The following DNAH6 variants were observed in gnomAD, a reference collection of about 807,000 sequenced individuals.
DNAH6 encodes dynein axonemal heavy chain 6, also known as axonemal beta dynein heavy chain 6.
In DNAH6, 340 loss-of-function variants were observed where a neutral mutation model predicts 491.4. That is an observed-to-expected ratio of 0.69 (90% confidence interval 0.63 to 0.76). The LOEUF is 0.76. Among genes scored for constraint, DNAH6 ranks in the 30% least tolerant of loss-of-function variants. The pLI, the probability that DNAH6 is intolerant of heterozygous loss-of-function variation, is 0.00. For synonymous variants in DNAH6, 1,603 were observed against 1,686.1 expected, an observed-to-expected ratio of 0.95 and a Z score of 1.21; for missense variants, 4,443 against 4,972.2, an observed-to-expected ratio of 0.89 and a Z score of 3.20.
chr2:84,516,759 A>G (rs899719602), intron 1 of DNAH6, among the ~76,000 whole-genome samples, 176 bp downstream of exon 1: 2 of 152,220 alleles, frequency 1.3e-5, no homozygotes, highest in African/African-American at 2.4e-5. Flanking sequence ...AGCAATAGCG[A>G]TATCAAAAGA....
At chr2:84,691,185 G>GA (rs1445807859) in intron 45 of DNAH6, among the ~76,000 whole-genome samples, 1 of 152,092 alleles carries the variant, frequency 6.6e-6, no homozygotes, top group Non-Finnish European at 1.5e-5. Context: ...TAAATTGCCA[G>GA]AAAAAAATAA....
intron 18 of DNAH6, among the ~76,000 whole-genome samples, chr2:84,597,256 T>C (rs1483802598): frequency 1.3e-5 from 2 of 152,180 alleles, no homozygotes; most frequent in African/African-American, 4.8e-5. Context: ...GTACCTAAAA[T>C]ATGTAACATA....
chr2:84,515,594 CAA>C (rs1260914976), upstream of DNAH6, among the ~76,000 whole-genome samples: 1 of 152,106 alleles, frequency 6.6e-6, no homozygotes, highest in Non-Finnish European at 1.5e-5. Context: ...ATCAAGGTAA[CAA>C]AGAGCAACCG....
In DNAH6 at chr2:84,681,524, G is replaced by A. The variant is rs1693772090; in HGVS notation, c.6912G>A (p.Val2304=). The A allele has an allele frequency of 6.5e-7, 1 of 1,543,402 alleles. No individual in the cohort carries two copies. Among genetic ancestry groups the A allele is most frequent in the Non-Finnish European group, 8.7e-7 (1 of 1,143,480 alleles). ...VFNLRDLSKC[V]QGILQCDPGT... is the part of the protein sequence containing the mutation. ...ACTTGAGGGACTTATCCAAATGTGT[G>A]CAAGGTAGTGTACTGAACCCTCGTT... is the stretch of plus-strand genomic sequence containing the variant. Residue 2304 remains valine (V), a synonymous_variant, in exon 42 of 77, where the codon GTG becomes GTA. Transcript: ENST00000389394.
chr2:84,619,710 C>T lies in DNAH6; in HGVS notation c.3598C>T (p.Leu1200Phe), dbSNP rs2104391718. 1 of 1,551,456 alleles carries T rather than the reference C, an allele frequency of 6.4e-7. No individual in the cohort carries two copies. Among genetic ancestry groups the T allele is most frequent in the Non-Finnish European group, 8.7e-7 (1 of 1,146,742 alleles). Reference protein sequence around the residue: ...PRFYFLSNDELLEILAQTRNP... With the variant: ...PRFYFLSNDEFLEILAQTRNP... ...GTTTTACTTCTTGTCAAATGATGAACTTCTGGAGATTTTGGCCCAGACACG... is the reference window on the plus strand; with the variant it reads ...GTTTTACTTCTTGTCAAATGATGAATTTCTGGAGATTTTGGCCCAGACACG... The change falls in exon 24 of 77, where the codon CTT becomes TTT. Residue 1200 changes from leucine to phenylalanine, a missense_variant. Physicochemically the swap from Leu to Phe is conservative, Grantham distance 22 (BLOSUM62 0). Transcript: ENST00000389394.
At chr2:84,469,474 C>T in the DNAH6 span, among the ~76,000 whole-genome samples, 12 of 152,154 alleles carry the variant, frequency 7.9e-5, no homozygotes, top group South Asian at 4.1e-4. This position sits in a 1 kb window ranked among gnomAD's most constrained non-coding sequence, Gnocchi z 4.0. Flanking sequence ...CAACCTCTGA[C>T]GTGGAGTTTC....
chr2:84,615,253 G>A (rs1414232137), intron 22 of DNAH6, among the ~76,000 whole-genome samples: 1 of 152,022 alleles, frequency 6.6e-6, no homozygotes, highest in Non-Finnish European at 1.5e-5. Context: ...TCTACATGTG[G>A]CTTGCCAGTT....
At chr2:84,759,011 A>T (rs962073765) in intron 63 of DNAH6, among the ~76,000 whole-genome samples, 2 of 152,182 alleles carry the variant, frequency 1.3e-5, no homozygotes, top group African/African-American at 4.8e-5. Context: ...ATTCCTGTTT[A>T]TTGATGATAT....
At chr2:84,631,966 C>A (rs761955450) in intron 29 of DNAH6, among the ~76,000 whole-genome samples, 4 of 152,208 alleles carry the variant, frequency 2.6e-5, no homozygotes, top group Non-Finnish European at 5.9e-5. Context: ...CCAAGAGAAA[C>A]CTTGGTTCCC....
At chr2:84,541,624 G>T (rs1474899577) in intron 4 of DNAH6, among the ~76,000 whole-genome samples, 1 of 152,058 alleles carries the variant, frequency 6.6e-6, no homozygotes, top group Non-Finnish European at 1.5e-5. Context: ...TGGAGGAAAA[G>T]AAACCAAAAA....
chr2:84,701,330 G>C lies in DNAH6; in HGVS notation c.8052G>C (p.Gln2684His). Residue 2684 changes from glutamine (Q) to histidine (H), a missense_variant, in exon 49 of 77, where the codon CAG becomes CAC. By Grantham distance (24) the Gln-to-His change is conservative. Coordinates refer to ENST00000389394, the MANE Select transcript of DNAH6 (RefSeq NM_001370.2). ...YLSMLSEKRKQIISARDRVKN... is the reference protein window; with the variant it reads ...YLSMLSEKRKHIISARDRVKN... ...CTATGCTGTCTGAAAAAAGGAAGCA[G>C]ATTATTTCAGTAGGTTCAATATTAT... is the stretch of plus-strand genomic sequence containing the variant. 9.0e-6 allele frequency: 14 copies of C among 1,548,714 alleles called. No homozygotes were observed. The highest frequency in any genetic ancestry group is 1.2e-5 in the Non-Finnish European group (14 of 1,144,988).
At position 84,697,746 on chromosome 2, in the gene DNAH6, G is replaced by C; in HGVS notation, c.7677+19G>C. On this transcript the variant is annotated intron_variant, in intron 47 of 76. Transcript: ENST00000389394. ...AGACGAGGTAGGATGTGCCAGAGTAGTTATGTGGCTTTATCACAAAAACGT... is the reference window on the plus strand; with the variant it reads ...AGACGAGGTAGGATGTGCCAGAGTACTTATGTGGCTTTATCACAAAAACGT... 1 of 1,551,428 alleles carries C rather than the reference G, an allele frequency of 6.4e-7. No homozygotes were observed. Among genetic ancestry groups the C allele is most frequent in the Non-Finnish European group, 8.7e-7 (1 of 1,146,776 alleles).
At chr2:84,507,424 G>A in the DNAH6 span, among the ~76,000 whole-genome samples, 2 of 152,238 alleles carry the variant, frequency 1.3e-5, no homozygotes, top group Non-Finnish European at 2.9e-5. Context: ...TTTGTAACCT[G>A]AGACTTTGCT....
In DNAH6 at chr2:84,797,606, T is replaced by G. The variant is rs760060366; in HGVS notation, c.11429T>G (p.Ile3810Ser). The part of the protein sequence containing the change: ...FKDYIENLPL[I>S]DDPEIFGMHE... Reference sequence around the variant, plus strand: ...GACTACATTGAAAATCTGCCTTTGATCGATGACCCAGAAATTTTTGGAATG... The same window carrying G: ...GACTACATTGAAAATCTGCCTTTGAGCGATGACCCAGAAATTTTTGGAATG... Residue 3810 changes from isoleucine to serine, a missense_variant, in exon 70 of 77, where the codon ATC becomes AGC. Coordinates refer to ENST00000389394, the MANE Select transcript of DNAH6 (RefSeq NM_001370.2). The G allele has an allele frequency of 5.9e-5, 92 of 1,551,592 alleles. No homozygotes were observed. Among genetic ancestry groups the G allele is most frequent in the Non-Finnish European group, 7.8e-5 (89 of 1,146,902 alleles).
intron 67 of DNAH6, among the ~76,000 whole-genome samples, chr2:84,786,452 A>G (rs1042001967): frequency 2.0e-5 from 3 of 150,368 alleles, no homozygotes; most frequent in South Asian, 2.1e-4. Context: ...AAAAGAAAAG[A>G]TGCCAGATAT....
At chr2:84,708,480 G>GA (rs1347915547) in intron 54 of DNAH6, among the ~76,000 whole-genome samples, 1 of 109,248 alleles carries the variant, frequency 9.2e-6, no homozygotes, top group Admixed American at 9.4e-5. Context: ...GAGAAAGGGG[G>GA]GGGGGAGGGA....
chr2:84,629,707 CA>C (rs1251843150), intron 29 of DNAH6, among the ~76,000 whole-genome samples: 2 of 152,158 alleles, frequency 1.3e-5, no homozygotes, highest in African/African-American at 4.8e-5. Flanking sequence ...AAATAGTGAT[CA>C]CCTCTAGTAC....
chr2:84,634,951 T>C (rs545048381), intron 30 of DNAH6, among the ~76,000 whole-genome samples: 1 of 152,354 alleles, frequency 6.6e-6, no homozygotes, highest in African/African-American at 2.4e-5. Context: ...CCACTCTGTG[T>C]TGACCTTTGG....
intron 18 of DNAH6, 115 bp downstream of exon 18, chr2:84,595,904 A>G (rs1426097067): frequency 3.5e-6 from 4 of 1,130,618 alleles, no homozygotes; most frequent in Non-Finnish European, 4.7e-6. Context: ...TTGCAGACAG[A>G]AAAAACAATA....
Sources: gnomAD v4.1 joint callset for allele counts (sites outside exome capture counted in the v4.1 genomes callset) on GRCh38, gnomAD v4.1.1 for gene constraint, Gnocchi (gnomAD v3.1) non-coding constraint, MANE v1.5 for transcripts, NCBI Gene and HGNC (gene_info 2026-07-23, HGNC 2026-07-21) for gene names.